Variants in NBPF11 observed in about 807,000 individuals in gnomAD.
NBPF11 encodes the protein NBPF member 11.
Under a neutral mutation model 93.9 loss-of-function variants are expected in NBPF11, and 72 were observed. That is an observed-to-expected ratio of 0.77 (90% CI 0.63 to 0.93). The LOEUF is 0.93. NBPF11 is among the 40% of genes least tolerant of loss of function. The probability of loss-of-function intolerance (pLI) is 0.00; values close to 1 mark genes in which losing one functional copy is unlikely to be tolerated. For missense variants in NBPF11, 705 were observed against 802.2 expected (o/e 0.88, Z 1.46); for synonymous variants, 224 against 304.9 (o/e 0.73, Z 2.76).
intron 4 of NBPF11, among the ~76,000 whole-genome samples, chr1:148,134,927 C>T (rs1354522026): frequency 1.3e-5 from 2 of 151,934 alleles, no homozygotes; most frequent in African/African-American, 4.9e-5. Flanking sequence ...CCATGCTTTG[C>T]TTCTGCAAGA....
At chr1:148,141,511 C>G (rs1190273824) in intron 2 of NBPF11, among the ~76,000 whole-genome samples, 1 of 152,006 alleles carries the variant, frequency 6.6e-6, no homozygotes, top group Non-Finnish European at 1.5e-5. Context: ...AGCCCCATAC[C>G]AAGGTTTTGG....
chr1:148,144,396 A>T (rs1268001179), intron 1 of NBPF11, among the ~76,000 whole-genome samples: 1 of 151,062 alleles, frequency 6.6e-6, no homozygotes, highest in Non-Finnish European at 1.5e-5. Flanking sequence ...AGATGGTGAA[A>T]ACCGTGACAC....
At chr1:148,116,606 C>A in intron 12 of NBPF11, 71 bp from the exon 13 acceptor site, 1 of 623,964 alleles carries the variant, frequency 1.6e-6, no homozygotes, top group Non-Finnish European at 2.9e-6. Context: ...GCCCAATGTG[C>A]AACAGGGACA....
Position 148,106,670 on chromosome 1 carries a change from A to T in NBPF11, c.2251+272T>A, listed in dbSNP as rs1158999747. Among the ~76,000 whole-genome samples, 12 of 147,280 alleles carry T rather than the reference A, an allele frequency of 8.1e-5. 1 individual carries two copies. The highest frequency in any genetic ancestry group is 1.4e-4 in the Admixed American group (2 of 14,708). ...TTGAGTCCAAATCATAGTTCTGTGA[A>T]TTTTTTACATCTGCCTGGGTCCAAT... is the stretch of plus-strand genomic sequence containing the variant. On this transcript the variant is annotated intron_variant, in intron 20 of 23. Transcript: ENST00000682118.
chr1:148,108,220 C>T (rs1223730617), intron 18 of NBPF11, among the ~76,000 whole-genome samples: 11 of 151,568 alleles, frequency 7.3e-5, no homozygotes, highest in South Asian at 2.1e-4. Flanking sequence ...GAATTTGTCA[C>T]ATCTGCCCAG....
chr1:148,134,845 G>A lies in NBPF11; in HGVS notation c.-36+827C>T, dbSNP rs1213344082. On this transcript the variant is annotated intron_variant, in intron 4 of 23. Transcript: ENST00000682118. ...GCTCACAGACAACCACAGACCACAC[G>A]GCCCTAGAGTCAGGGGCAGCACCAG... 1.4e-4 allele frequency among the ~76,000 whole-genome samples: 21 copies of A among 151,978 alleles called. 1 individual carries two copies. The highest frequency in any genetic ancestry group is 4.1e-4 in the South Asian group (2 of 4,822).
intron 21 of NBPF11, among the ~76,000 whole-genome samples, 181 bp from the exon 22 acceptor site, chr1:148,105,709 A>G (rs1663386442): frequency 1.4e-5 from 1 of 72,278 alleles, no homozygotes; most frequent in Non-Finnish European, 2.4e-5. Flanking sequence ...AAAAGAATGA[A>G]AGAGAAAGAC....
intron 3 of NBPF11, among the ~76,000 whole-genome samples, chr1:148,136,103 T>C (rs1277143450): frequency 0.14 from 21,144 of 151,932 alleles, 1,677 homozygotes; most frequent in East Asian, 0.28. Context: ...GAAAGCTTTC[T>C]CACCTTCATA....
chr1:148,148,258 C>T (rs1470327498), intron 1 of NBPF11, among the ~76,000 whole-genome samples: 70 of 152,348 alleles, frequency 4.6e-4, no homozygotes, highest in Middle Eastern at 3.4e-3. Context: ...TGGTGGAGTC[C>T]GAATGCCAGG....
At chr1:148,115,509 T>C (rs1308638150) in intron 14 of NBPF11, among the ~76,000 whole-genome samples, 15 of 151,208 alleles carry the variant, frequency 9.9e-5, no homozygotes, top group African/African-American at 3.7e-4. Context: ...TGACAAGAGA[T>C]ACTGAATCGA....
Position 148,126,842 on chromosome 1 carries a change from TC to T in NBPF11, c.161del (p.Arg54HisfsTer14), listed in dbSNP as rs1553273206. The T allele has an allele frequency of 1.6e-5, 25 of 1,571,390 alleles. No individual in the cohort carries two copies. In the South Asian group the frequency reaches 2.8e-4, roughly 17 times the overall value. The stretch of plus-strand genomic sequence containing the variant: ...TATAGATCTTACTGTATTTCTTCTG[TC>T]GGTTGGCCAGGAAGCCGGCCAGTTG... ...LTQLAGFLAN[R>X]QKKYKYEECK... On this transcript the variant is annotated frameshift_variant, in exon 5 of 24. Transcript: ENST00000682118. LOFTEE classifies it high-confidence loss of function.
chr1:148,107,320 G>A (rs1198792939), intron 19 of NBPF11, among the ~76,000 whole-genome samples: 3 of 150,298 alleles, frequency 2.0e-5, no homozygotes, highest in African/African-American at 7.4e-5. Flanking sequence ...GAGGGAGAGA[G>A]AGAGAGAGGA....
At chr1:148,125,876 G>T (rs1348913809) in intron 5 of NBPF11, among the ~76,000 whole-genome samples, 3 of 152,004 alleles carry the variant, frequency 2.0e-5, no homozygotes, top group African/African-American at 7.3e-5. Context: ...CTGCACTGCT[G>T]CTTCCACACG....
chr1:148,104,348 G>A lies in NBPF11; in HGVS notation c.2581+189C>T, dbSNP rs1269063959. 4.8e-5 allele frequency among the ~76,000 whole-genome samples: 7 copies of A among 146,850 alleles called. No individual in the cohort carries two copies. The South Asian group carries it at 6.4e-4, about 13-fold the overall frequency. On this transcript the variant is annotated intron_variant, in intron 23 of 23. Transcript: ENST00000682118. ...TTGAAGTATGGTCCACCTATGGTAC[G>A]TTAGTAAATGATAAGGGGAGGAAGA...
At chr1:148,106,095 C>A in intron 21 of NBPF11, 86 bp downstream of exon 21, 1 of 579,446 alleles carries the variant, frequency 1.7e-6, no homozygotes, top group East Asian at 2.9e-5. Context: ...AAGATGTAAT[C>A]GATAATGTCA....
At chr1:148,124,516 T>C (rs1341811609) in intron 6 of NBPF11, among the ~76,000 whole-genome samples, 2 of 150,456 alleles carry the variant, frequency 1.3e-5, no homozygotes, top group African/African-American at 2.5e-5. Context: ...GAAGGCAACA[T>C]TGATTGAGTG....
chr1:148,103,826 A>C lies in NBPF11; in HGVS notation c.*70T>G. 9 of 1,611,674 alleles carry C rather than the reference A, an allele frequency of 5.6e-6. No homozygotes were observed. Among genetic ancestry groups the C allele is most frequent in the Non-Finnish European group, 7.6e-6 (9 of 1,179,454 alleles). On this transcript the variant is annotated 3_prime_UTR_variant, in exon 24 of 24. Transcript: ENST00000682118. The stretch of plus-strand genomic sequence containing the variant: ...GTGCTGGAATGAGTCAGGTAGTTCA[A>C]AGTACATTGATGGAGTCGAATAATA...
Position 148,122,294 on chromosome 1 carries a change from C to T in NBPF11, c.567-28G>A, listed in dbSNP as rs1668052385. The stretch of plus-strand genomic sequence containing the variant: ...GATGAGCCAGGTGGGACAGAGATGA[C>T]AGAAGATTAAACACAGAGGGATTGG... On this transcript the variant is annotated intron_variant, in intron 8 of 23. Coordinates refer to ENST00000682118, the MANE Select transcript of NBPF11 (RefSeq NM_001385469.3). The T allele has an allele frequency of 8.7e-6, 14 of 1,609,706 alleles. No homozygotes were observed. The South Asian group carries it at 1.3e-4, about 15-fold the overall frequency.
chr1:148,120,533 G>A lies in NBPF11; in HGVS notation c.956C>T (p.Ala319Val). Residue 319 changes from alanine to valine, a missense_variant, in exon 10 of 24, where the codon GCC becomes GTC. By Grantham distance (64) the Ala-to-Val change is moderately conservative. Around this residue, in one of 12 missense-constraint regions of NBPF11, gnomAD observed 262 missense variants for 223.1 expected, o/e 1.17. Transcript: ENST00000682118. ...GTTCTGCTGCTTGGCCAGGAAGCAG[G>A]CCACTTGAGTTACAAAACATTTCTC... ...LKEKCFVTQV[A>V]CFLAKQQNKY... 2.1e-6 allele frequency: 2 copies of A among 955,008 alleles called. No individual in the cohort carries two copies. Among genetic ancestry groups the A allele is most frequent in the Admixed American group, 1.7e-5 (1 of 59,250 alleles). 59.2% of individuals were successfully genotyped at this position (955,008 alleles called of 1,614,324 possible). A position where few individuals can be genotyped will look rare whatever the true frequency, so the allele number is the denominator to read the frequency against.
Sources: gnomAD v4.1 joint callset for allele counts (sites outside exome capture counted in the v4.1 genomes callset) on GRCh38, gnomAD v4.1.1 for gene constraint, gnomAD v4.1.1 regional missense constraint, MANE v1.5 for transcripts, NCBI Gene and HGNC (gene_info 2026-07-23, HGNC 2026-07-21) for gene names.